The following KIRREL3 variants were observed in gnomAD, a reference collection of about 807,000 sequenced individuals.
KIRREL3 encodes the protein kirre like nephrin family adhesion molecule 3.
A neutral mutation model predicts 89.7 loss-of-function variants in KIRREL3; 36 were observed. The ratio of observed to expected loss-of-function variants is 0.40; its 90% CI spans 0.31 to 0.53. The LOEUF is 0.53. Among genes scored for constraint, KIRREL3 ranks in the 20% least tolerant of loss-of-function variants. The pLI is 0.49. For synonymous variants in KIRREL3, 445 were observed against 441.4 expected (o/e 1.01, Z -0.10); for missense variants, 864 against 1,056.6 (o/e 0.82, Z 2.53).
rs576574201 is a variant in KIRREL3, at chr11:126,904,868, CT to C, written c.55+95586del. Among the ~76,000 whole-genome samples, 386 of 152,224 alleles carry C rather than the reference CT, an allele frequency of 2.5e-3. 1 individual carries two copies. Among genetic ancestry groups the C allele is most frequent in the Non-Finnish European group, 3.7e-3 (253 of 68,010 alleles). On this transcript the variant is annotated intron_variant, in intron 1 of 16. Coordinates refer to ENST00000525144, the MANE Select transcript of KIRREL3 (RefSeq NM_032531.4). This position sits in a 1 kb window ranked among gnomAD's most constrained non-coding sequence, Gnocchi z 4.4. ...AGAGAAGAGAAACTGTAAAAATGTT[CT>C]TTGATGGTATCTAGGACAACTCCAA...
chr11:126,595,984 G>A (rs1942374843), intron 1 of KIRREL3, among the ~76,000 whole-genome samples: 1 of 152,202 alleles, frequency 6.6e-6, no homozygotes, highest in Non-Finnish European at 1.5e-5. Flanking sequence ...CCTCCCTTAG[G>A]AGCAGAGGAA....
rs1208247852 is a variant in KIRREL3, at chr11:126,640,260, G to C, written c.56-77348C>G. ...TGACCCACCCTGAGGAATAGCCATGGGCAGTGGGTATGTGGGGCTCCTGGG... is the reference window on the plus strand; with the variant it reads ...TGACCCACCCTGAGGAATAGCCATGCGCAGTGGGTATGTGGGGCTCCTGGG... On this transcript the variant is annotated intron_variant, in intron 1 of 16. Transcript: ENST00000525144. This position sits in a 1 kb window ranked among gnomAD's most constrained non-coding sequence, Gnocchi z 4.9. Among the ~76,000 whole-genome samples, 2 of 152,126 alleles carry C rather than the reference G, an allele frequency of 1.3e-5. No individual in the cohort carries two copies. The highest frequency in any genetic ancestry group is 4.8e-5 in the African/African-American group (2 of 41,438).
chr11:126,501,475 C>T lies in KIRREL3; in HGVS notation c.433+19840G>A, dbSNP rs570028117. Among the ~76,000 whole-genome samples the T allele has an allele frequency of 1.1e-4, 16 of 152,246 alleles. No individual in the cohort carries two copies. Among genetic ancestry groups the T allele is most frequent in the Non-Finnish European group, 1.2e-4 (8 of 68,004 alleles). On this transcript the variant is annotated intron_variant, in intron 4 of 16. Coordinates refer to ENST00000525144, the MANE Select transcript of KIRREL3 (RefSeq NM_032531.4). This position sits in a 1 kb window ranked among gnomAD's most constrained non-coding sequence, Gnocchi z 5.8. ...AGAGCGCAGGTCGAGCAGATTCTAC[C>T]GCAGCCCGTCCTGGGTCCTGTTGAT...
chr11:126,745,380 C>T (rs754253500), intron 1 of KIRREL3, among the ~76,000 whole-genome samples: 21 of 150,056 alleles, frequency 1.4e-4, no homozygotes, highest in Non-Finnish European at 3.0e-4. Context: ...ATTTCAACAT[C>T]TGAAAAAAAA....
chr11:126,741,591 C>G lies in KIRREL3; in HGVS notation c.56-178679G>C, dbSNP rs76365302. On this transcript the variant is annotated intron_variant, in intron 1 of 16. Coordinates refer to ENST00000525144, the MANE Select transcript of KIRREL3 (RefSeq NM_032531.4). ...ACAAGGGCCATAGGATGAATGGGAA[C>G]TTTTAGTACATCGGAGAGTTTAAAA... Among the ~76,000 whole-genome samples the G allele has an allele frequency of 6.4e-3, 973 of 152,320 alleles. 8 individuals are homozygous for G. Among genetic ancestry groups the G allele is most frequent in the African/African-American group, 0.023 (937 of 41,564 alleles).
chr11:126,621,028 C>T (rs139706408), intron 1 of KIRREL3, among the ~76,000 whole-genome samples: 2 of 152,212 alleles, frequency 1.3e-5, no homozygotes, highest in East Asian at 3.8e-4. Context: ...TAAGCGAATG[C>T]AAAGGGCAAA....
At chr11:126,998,167 T>C (rs1950226700) in intron 1 of KIRREL3, among the ~76,000 whole-genome samples, 12 of 152,172 alleles carry the variant, frequency 7.9e-5, no homozygotes, top group Admixed American at 7.9e-4. Flanking sequence ...GCTAAGCATA[T>C]ATGTGAGGAT....
rs1378895102 is a variant in KIRREL3, at chr11:126,603,126, G to A, written c.56-40214C>T. The stretch of plus-strand genomic sequence containing the variant: ...GAATCAATCCACTGTGTGTTCTGTG[G>A]ACTGTTATTTAGAGATGCCCCTACA... On this transcript the variant is annotated intron_variant, in intron 1 of 16. Coordinates refer to ENST00000525144, the MANE Select transcript of KIRREL3 (RefSeq NM_032531.4). Among the ~76,000 whole-genome samples the A allele has an allele frequency of 2.0e-5, 3 of 152,202 alleles. No homozygotes were observed. In the South Asian group the frequency reaches 6.2e-4, roughly 32 times the overall value.
chr11:126,478,615 G>A (rs1306225089), intron 4 of KIRREL3, among the ~76,000 whole-genome samples: 1 of 107,820 alleles, frequency 9.3e-6, no homozygotes, highest in Non-Finnish European at 1.9e-5. Context: ...GCATGTATAT[G>A]TGTGTATGTG....
At chr11:126,700,048 A>T (rs1397336978) in intron 1 of KIRREL3, among the ~76,000 whole-genome samples, 4 of 152,120 alleles carry the variant, frequency 2.6e-5, no homozygotes, top group Non-Finnish European at 5.9e-5. Context: ...AAAAAAATTC[A>T]TTGAGCGTGG....
In KIRREL3 at chr11:126,898,953, C is replaced by T. The variant is rs1332825782; in HGVS notation, c.55+101502G>A. Among the ~76,000 whole-genome samples the T allele has an allele frequency of 1.3e-5, 2 of 151,742 alleles. No homozygotes were observed. The highest frequency in any genetic ancestry group is 4.9e-5 in the African/African-American group (2 of 41,180). Reference sequence around the variant, plus strand: ...CTGTCCTCCAAACCTCCTTTATCCTCTTGAACAATCAGAGGGGGATGCTGT... The same window carrying T: ...CTGTCCTCCAAACCTCCTTTATCCTTTTGAACAATCAGAGGGGGATGCTGT... On this transcript the variant is annotated intron_variant, in intron 1 of 16. Transcript: ENST00000525144. This position sits in a 1 kb window ranked among gnomAD's most constrained non-coding sequence, Gnocchi z 4.9.
In KIRREL3 at chr11:126,636,562, C is replaced by A. The variant is rs1218777965; in HGVS notation, c.56-73650G>T. Among the ~76,000 whole-genome samples, 2 of 152,172 alleles carry A rather than the reference C, an allele frequency of 1.3e-5. No individual in the cohort carries two copies. Among genetic ancestry groups the A allele is most frequent in the African/African-American group, 4.8e-5 (2 of 41,432 alleles). On this transcript the variant is annotated intron_variant, in intron 1 of 16. Transcript: ENST00000525144. The surrounding 1 kb of genome is among the most constrained non-coding windows in gnomAD (Gnocchi z 4.4). ...TTGAGTGTCTGCCCCTCATCCTGCC[C>A]CCCAGATCTCACTGCTCTCTGAGTC...
At position 126,454,677 on chromosome 11, in the gene KIRREL3, G is replaced by A. The variant is rs187053194; in HGVS notation, c.848+1672C>T. Among the ~76,000 whole-genome samples, 106 of 152,172 alleles carry A rather than the reference G, an allele frequency of 7.0e-4. No individual in the cohort carries two copies. Among genetic ancestry groups the A allele is most frequent in the African/African-American group, 1.9e-3 (78 of 41,496 alleles). On this transcript the variant is annotated intron_variant, in intron 7 of 16. Coordinates refer to ENST00000525144, the MANE Select transcript of KIRREL3 (RefSeq NM_032531.4). The surrounding 1 kb of genome is among the most constrained non-coding windows in gnomAD (Gnocchi z 5.8). ...CTAGGGCCAGGGAGTCTCATTGGGC[G>A]CCTCTCTTGTATCTTCAGTGGCTTC... is the stretch of plus-strand genomic sequence containing the variant.
rs1225115415 is a variant in KIRREL3, at chr11:126,459,920, C to T, written c.742+3237G>A. 6.6e-6 allele frequency among the ~76,000 whole-genome samples: 1 copy of T among 152,108 alleles called. No homozygotes were observed. Among genetic ancestry groups the T allele is most frequent in the Non-Finnish European group, 1.5e-5 (1 of 68,028 alleles). ...TACTCAATCTGAGGGCTTTGTCTTC[C>T]GTTGGGTAACATATGAAGACCAAGA... On this transcript the variant is annotated intron_variant, in intron 6 of 16. Coordinates refer to ENST00000525144, the MANE Select transcript of KIRREL3 (RefSeq NM_032531.4). This position sits in a 1 kb window ranked among gnomAD's most constrained non-coding sequence, Gnocchi z 4.8.
rs1245434490 is a variant in KIRREL3, at chr11:126,486,221, C to T, written c.434-12755G>A. Among the ~76,000 whole-genome samples the T allele has an allele frequency of 6.6e-6, 1 of 152,084 alleles. No homozygotes were observed. The highest frequency in any genetic ancestry group is 1.5e-5 in the Non-Finnish European group (1 of 68,016). On this transcript the variant is annotated intron_variant, in intron 4 of 16. Transcript: ENST00000525144. This position sits in a 1 kb window ranked among gnomAD's most constrained non-coding sequence, Gnocchi z 6.2. ...TGCCGGCTCCAGATGACAGAGGGTG[C>T]TACGTGGCCGCCGTCTGCACAGCAA...
chr11:126,988,813 C>T (rs1949943360), intron 1 of KIRREL3, among the ~76,000 whole-genome samples: 1 of 152,208 alleles, frequency 6.6e-6, no homozygotes. Context: ...GGCCTCAGTA[C>T]CATCTCCCCG....
intron 1 of KIRREL3, among the ~76,000 whole-genome samples, chr11:126,966,495 C>CTTTATATTTTACAT (rs1368276982): frequency 6.6e-6 from 1 of 152,174 alleles, no homozygotes; most frequent in Non-Finnish European, 1.5e-5. Context: ...ATGGTATCCT[C>CTTTATATTTTACAT]CTAAACTCTC....
intron 1 of KIRREL3, among the ~76,000 whole-genome samples, chr11:126,848,506 A>G (rs1944227758): frequency 6.6e-6 from 1 of 152,232 alleles, no homozygotes; most frequent in Admixed American, 6.5e-5. Context: ...TACTCAGAAG[A>G]AACAAGAGGT....
At chr11:126,706,110 T>A (rs946058951) in intron 1 of KIRREL3, among the ~76,000 whole-genome samples, 1 of 152,164 alleles carries the variant, frequency 6.6e-6, no homozygotes, top group African/African-American at 2.4e-5. Context: ...CAGCCCCCGA[T>A]GTCACTATAC....
Sources: gnomAD v4.1 joint callset for allele counts (sites outside exome capture counted in the v4.1 genomes callset) on GRCh38, gnomAD v4.1.1 for gene constraint, Gnocchi (gnomAD v3.1) non-coding constraint, MANE v1.5 for transcripts, NCBI Gene and HGNC (gene_info 2026-07-23, HGNC 2026-07-21) for gene names.